Variants in ERCC6 observed in about 807,000 individuals in gnomAD.
The protein encoded by ERCC6 is DNA excision repair protein ERCC-6.
Under a neutral mutation model 158.7 loss-of-function variants are expected in ERCC6, and 116 were observed. The ratio of observed to expected loss-of-function variants is 0.73; its 90% CI spans 0.63 to 0.85. The LOEUF is 0.85. ERCC6 is among the 40% of genes least tolerant of loss of function. The pLI, the probability that ERCC6 is intolerant of heterozygous loss-of-function variation, is 0.00. For synonymous variants in ERCC6, 678 were observed against 659.3 expected (o/e 1.03, Z -0.43); for missense variants, 1,698 against 1,799.4 (o/e 0.94, Z 1.02).
chr10:49,510,183 G>C (rs976052683), intron 5 of ERCC6, among the ~76,000 whole-genome samples: 1 of 152,152 alleles, frequency 6.6e-6, no homozygotes, highest in Admixed American at 6.6e-5. Flanking sequence ...AACGACACCA[G>C]GAACAATGCT....
chr10:49,526,203 A>C (rs184816494), intron 4 of ERCC6, among the ~76,000 whole-genome samples: 298 of 142,788 alleles, frequency 2.1e-3, no homozygotes, highest in African/African-American at 7.7e-3. Context: ...CAGTTTTCCA[A>C]AGTGTTACGT....
Position 49,473,599 on chromosome 10 carries a change from TG to T in ERCC6, c.2599-13del, listed in dbSNP as rs1441740604. 6.6e-7 allele frequency: 1 copy of T among 1,503,880 alleles called. No individual in the cohort carries two copies. The highest frequency in any genetic ancestry group is 9.3e-7 in the Non-Finnish European group (1 of 1,079,430). The allele number at this position is 1,503,880 out of a possible 1,614,324, so 93.2% of individuals were successfully genotyped here. A position where few individuals can be genotyped will look rare whatever the true frequency, so the allele number is the denominator to read the frequency against. On this transcript the variant is annotated splice_polypyrimidine_tract_variant and intron_variant, in intron 13 of 20. Coordinates refer to ENST00000355832, the MANE Select transcript of ERCC6 (RefSeq NM_000124.4). ...AGTATGTCCAGCATCTGTTTGGAGG[TG>T]GGGGATAGGAGTTTGCAAAGCAAAT...
At chr10:49,531,825 G>A (rs1590489959) in intron 2 of ERCC6, among the ~76,000 whole-genome samples, 2 of 152,154 alleles carry the variant, frequency 1.3e-5, no homozygotes, top group East Asian at 1.9e-4. Flanking sequence ...TTCAGCCCTC[G>A]CCTTCTTTCT....
chr10:49,476,801 C>T (rs531214416), intron 11 of ERCC6, among the ~76,000 whole-genome samples: 4 of 152,260 alleles, frequency 2.6e-5, no homozygotes, highest in African/African-American at 9.6e-5. Context: ...TCCATGCGAT[C>T]GTGCTCTGTG....
rs930092526 is a variant in ERCC6, at chr10:49,471,184, T to A, written c.2925-64A>T. ...TAGCTCTACCTAAAAATTCAAGTTA[T>A]AAAGCAATATAAGAGAGAGATGATA... is the stretch of plus-strand genomic sequence containing the variant. On this transcript the variant is annotated intron_variant, in intron 16 of 20. Coordinates refer to ENST00000355832, the MANE Select transcript of ERCC6 (RefSeq NM_000124.4). The A allele has an allele frequency of 2.0e-6, 3 of 1,517,176 alleles. No individual in the cohort carries two copies. In the African/African-American group the frequency reaches 4.1e-5, roughly 21 times the overall value. 94.0% of individuals were successfully genotyped at this position (1,517,176 alleles called of 1,614,324 possible). A position where few individuals can be genotyped will look rare whatever the true frequency, so the allele number is the denominator to read the frequency against.
chr10:49,478,367 T>A lies in ERCC6; in HGVS notation c.2273A>T (p.Asp758Val), dbSNP rs1435464850. The A allele has an allele frequency of 6.8e-6, 11 of 1,610,514 alleles. No individual in the cohort carries two copies. Among genetic ancestry groups the A allele is most frequent in the Non-Finnish European group, 9.3e-6 (11 of 1,176,676 alleles). The change falls in exon 11 of 21, where the codon GAT becomes GTT. Residue 758 changes from aspartate to valine, a missense_variant. By Grantham distance (152) the Asp-to-Val change is radical. Transcript: ENST00000355832. The stretch of plus-strand genomic sequence containing the variant: ...GGATTTACAGACCTGTTCATTTTTA[T>A]CTGGCAAAGAAAGGCTCATCTTGAC... ...SDVKMSLSLPDKNEQVLFCRL... is the reference protein window; with the variant it reads ...SDVKMSLSLPVKNEQVLFCRL...
intron 16 of ERCC6, among the ~76,000 whole-genome samples, chr10:49,471,896 C>T (rs537686616): frequency 6.6e-6 from 1 of 152,254 alleles, no homozygotes; most frequent in East Asian, 1.9e-4. Flanking sequence ...GTCTAAAATC[C>T]CCTAGTCATT....
At chr10:49,481,667 G>C (rs1850982000) in intron 10 of ERCC6, among the ~76,000 whole-genome samples, 1 of 152,106 alleles carries the variant, frequency 6.6e-6, no homozygotes, top group African/African-American at 2.4e-5. Context: ...TTCACCTCCT[G>C]GCATTTCTGC....
chr10:49,500,245 T>C (rs1452069174), intron 7 of ERCC6, among the ~76,000 whole-genome samples: 1 of 152,188 alleles, frequency 6.6e-6, no homozygotes, highest in Non-Finnish European at 1.5e-5. Context: ...AACAATCCCT[T>C]TGTAGAAGCT....
chr10:49,465,898 C>T (rs928931148), intron 18 of ERCC6, among the ~76,000 whole-genome samples: 20 of 151,288 alleles, frequency 1.3e-4, no homozygotes, highest in African/African-American at 4.4e-4. Context: ...AACACAGAAA[C>T]ACATGAAGGA....
intron 18 of ERCC6, among the ~76,000 whole-genome samples, chr10:49,463,526 C>T (rs1468584347): frequency 1.3e-5 from 2 of 152,130 alleles, no homozygotes; most frequent in Admixed American, 6.5e-5. Flanking sequence ...TAGTATACAA[C>T]CTTTTGTGTA....
chr10:49,516,943 A>G, intron 5 of ERCC6: 1 of 1,614,136 alleles, frequency 6.2e-7, no homozygotes, highest in East Asian at 2.2e-5. Flanking sequence ...GCTGTGTGCA[A>G]CAAAGAACCT....
chr10:49,467,664 C>A (rs1345202552), intron 18 of ERCC6, among the ~76,000 whole-genome samples: 1 of 152,088 alleles, frequency 6.6e-6, no homozygotes, highest in Non-Finnish European at 1.5e-5. Context: ...CTCCCAGGCT[C>A]GAGCAATCCT....
intron 7 of ERCC6, among the ~76,000 whole-genome samples, chr10:49,497,267 A>G (rs1418914476): frequency 6.6e-6 from 1 of 152,248 alleles, no homozygotes; most frequent in Non-Finnish European, 1.5e-5. Flanking sequence ...GCTTCTTTCT[A>G]TCCTCCAAGG....
intron 5 of ERCC6, chr10:49,516,655 C>T: frequency 1.2e-6 from 2 of 1,614,188 alleles, no homozygotes; most frequent in Non-Finnish European, 1.7e-6. Context: ...AGTTCAATGA[C>T]CTCGTCATCA....
chr10:49,521,873 A>C (rs1837174059), intron 5 of ERCC6, among the ~76,000 whole-genome samples: 2 of 152,226 alleles, frequency 1.3e-5, no homozygotes, highest in Non-Finnish European at 2.9e-5. Context: ...ATTCCTAGTA[A>C]GTATCAGCTA....
intron 5 of ERCC6, among the ~76,000 whole-genome samples, chr10:49,523,661 C>T (rs1837230663): frequency 6.6e-6 from 1 of 152,142 alleles, no homozygotes; most frequent in Admixed American, 6.5e-5. Flanking sequence ...ACAGAAACCC[C>T]TATCCAGTAT....
intron 3 of ERCC6, among the ~76,000 whole-genome samples, chr10:49,530,415 G>T (rs972522310): frequency 7.9e-5 from 12 of 152,074 alleles, no homozygotes; most frequent in African/African-American, 2.9e-4. Context: ...ATGCATTTTT[G>T]ACTAACAATA....
chr10:49,511,386 G>A (rs1836813466), intron 5 of ERCC6, among the ~76,000 whole-genome samples: 1 of 151,248 alleles, frequency 6.6e-6, no homozygotes, highest in African/African-American at 2.4e-5. Context: ...AGTCACAGCT[G>A]CACCCAAATA....
Sources: allele counts gnomAD v4.1 joint callset (sites outside exome capture counted in the v4.1 genomes callset), GRCh38; gene constraint gnomAD v4.1.1; transcripts MANE v1.5; gene names NCBI Gene and HGNC (gene_info 2026-07-23, HGNC 2026-07-21).